Variants in ZDHHC13 observed in about 807,000 individuals in gnomAD.
ZDHHC13 encodes the protein palmitoyltransferase ZDHHC13.
Under a neutral mutation model 86.0 loss-of-function variants are expected in ZDHHC13, and 85 were observed. The ratio of observed to expected loss-of-function variants is 0.99; its 90% confidence interval spans 0.83 to 1.18. The LOEUF (loss-of-function observed/expected upper bound fraction) is 1.18. ZDHHC13 is among the 50% of genes most tolerant of loss of function. ZDHHC13 has a pLI of 0.00. For missense variants in ZDHHC13, 711 were observed against 730.2 expected, an observed-to-expected ratio of 0.97 and a Z score of 0.30; for synonymous variants, 263 against 246.4, an observed-to-expected ratio of 1.07 and a Z score of -0.63.
intron 16 of ZDHHC13, among the ~76,000 whole-genome samples, chr11:19,174,239 C>T (rs755468536): frequency 3.9e-5 from 6 of 152,200 alleles, no homozygotes; most frequent in Non-Finnish European, 7.3e-5. Context: ...CATCATGCTC[C>T]GCAGAACGGC....
At chr11:19,170,354 GA>G in intron 14 of ZDHHC13, 56 bp from the exon 15 acceptor site, 1 of 1,461,518 alleles carries the variant, frequency 6.8e-7, no homozygotes, top group South Asian at 1.3e-5. Context: ...TCTTCTTGGA[GA>G]CTGATAAGTA....
chr11:19,140,434 G>A (rs1452590014), intron 1 of ZDHHC13, among the ~76,000 whole-genome samples: 2 of 152,232 alleles, frequency 1.3e-5, no homozygotes, highest in African/African-American at 4.8e-5. Flanking sequence ...TGGAGAGGAT[G>A]TGGAGAAATA....
At chr11:19,139,578 T>G (rs1367375386) in intron 1 of ZDHHC13, among the ~76,000 whole-genome samples, 1 of 148,886 alleles carries the variant, frequency 6.7e-6, no homozygotes, top group African/African-American at 2.5e-5. Flanking sequence ...AAAGTTCATA[T>G]GGAACCAAAA....
At chr11:19,132,078 G>C (rs934564418) in intron 1 of ZDHHC13, among the ~76,000 whole-genome samples, 3 of 152,024 alleles carry the variant, frequency 2.0e-5, no homozygotes, top group African/African-American at 7.3e-5. Context: ...TCAAGATCTG[G>C]TTCTTTTCTT....
chr11:19,125,714 T>C (rs1281742042), intron 1 of ZDHHC13, among the ~76,000 whole-genome samples: 2 of 152,226 alleles, frequency 1.3e-5, no homozygotes, highest in Non-Finnish European at 2.9e-5. Flanking sequence ...GGATAGATTA[T>C]CTGTGACGCA....
intron 9 of ZDHHC13, among the ~76,000 whole-genome samples, chr11:19,157,382 C>T (rs1473614405): frequency 6.6e-6 from 1 of 152,206 alleles, no homozygotes; most frequent in Non-Finnish European, 1.5e-5. Context: ...CTTTCTGTCG[C>T]TTGCCAGCAT....
chr11:19,142,932 T>G, intron 1 of ZDHHC13, 46 bp from the exon 2 acceptor site: 21 of 1,528,856 alleles, frequency 1.4e-5, no homozygotes, highest in Middle Eastern at 1.7e-4. Context: ...TAATTGAGTG[T>G]GACATTAATT....
At chr11:19,161,950 C>T (rs1208002699) in intron 10 of ZDHHC13, among the ~76,000 whole-genome samples, 1 of 152,026 alleles carries the variant, frequency 6.6e-6, no homozygotes, top group African/African-American at 2.4e-5. Flanking sequence ...CTTCTCTGTC[C>T]TCTACACTGG....
At position 19,165,062 on chromosome 11, in the gene ZDHHC13, C is replaced by A; in HGVS notation, c.1307C>A (p.Pro436Gln). ...TAATTGCCCACTTAGATAAGGAAGC[C>A]ATTAAGGTCACTCCACTGCCATGTA... ...TFCTSCLIRKPLRSLHCHVCN... is the reference protein window; with the variant it reads ...TFCTSCLIRKQLRSLHCHVCN... The change falls in exon 13 of 17, where the codon CCA becomes CAA. Residue 436 changes from proline to glutamine, a missense_variant. Transcript: ENST00000446113. 1 of 1,612,424 alleles carries A rather than the reference C, an allele frequency of 6.2e-7. No homozygotes were observed. The highest frequency in any genetic ancestry group is 1.1e-5 in the South Asian group (1 of 90,658).
intron 3 of ZDHHC13, among the ~76,000 whole-genome samples, chr11:19,147,244 T>C (rs1188420595): frequency 6.6e-6 from 1 of 152,164 alleles, no homozygotes; most frequent in African/African-American, 2.4e-5. Context: ...CTCCTTCCAG[T>C]CAAGTAAGAA....
rs144518437 is a variant in ZDHHC13 at position 19,175,759 on chromosome 11, A to C, written c.1731-63A>C. On this transcript the variant is annotated intron_variant, in intron 16 of 16. Transcript: ENST00000446113. ...CATTGCATATTATAGATTCTCCATA[A>C]ATGTTTGTCAAGCTACACAGGAAAT... The C allele has an allele frequency of 1.5e-4, 229 of 1,576,444 alleles. 1 individual carries two copies. The East Asian group carries it at 4.6e-3, about 32-fold the overall frequency.
intron 10 of ZDHHC13, among the ~76,000 whole-genome samples, chr11:19,159,808 G>A (rs1406341320): frequency 6.6e-6 from 1 of 151,896 alleles, no homozygotes; most frequent in Non-Finnish European, 1.5e-5. Context: ...AATGGGGAGA[G>A]GGGTTACTTG....
At chr11:19,166,566 T>C in intron 14 of ZDHHC13, 181 bp downstream of exon 14, 1 of 494,974 alleles carries the variant, frequency 2.0e-6, no homozygotes, top group Non-Finnish European at 3.5e-6. Context: ...CAAGATGAGG[T>C]TAGTTCTCAG....
chr11:19,170,180 A>G, intron 14 of ZDHHC13: 1 of 1,320,296 alleles, frequency 7.6e-7, no homozygotes, highest in Admixed American at 3.7e-5. Flanking sequence ...TTATTCCTTC[A>G]CTGTTAACTA....
intron 3 of ZDHHC13, among the ~76,000 whole-genome samples, chr11:19,147,323 G>T (rs963737694): frequency 6.6e-6 from 1 of 152,150 alleles, no homozygotes; most frequent in African/African-American, 2.4e-5. Context: ...AGACTATGCA[G>T]AGAGTAGTTA....
At chr11:19,172,370 C>T (rs1004217559) in intron 15 of ZDHHC13, among the ~76,000 whole-genome samples, 1 of 152,072 alleles carries the variant, frequency 6.6e-6, no homozygotes, top group Non-Finnish European at 1.5e-5. Context: ...CGTGCCCTGC[C>T]GCAGTTAGGT....
At chr11:19,135,479 C>A (rs536824544) in intron 1 of ZDHHC13, among the ~76,000 whole-genome samples, 1 of 152,230 alleles carries the variant, frequency 6.6e-6, no homozygotes, top group Non-Finnish European at 1.5e-5. Flanking sequence ...AACTGCAAGG[C>A]GGCAGCGAGG....
At chr11:19,118,444 G>T (rs907311464) in intron 1 of ZDHHC13, among the ~76,000 whole-genome samples, 3 of 152,204 alleles carry the variant, frequency 2.0e-5, no homozygotes, top group African/African-American at 7.2e-5. Context: ...TTTTACCAAA[G>T]GGTGTTGAAT....
chr11:19,174,723 G>A (rs947727182), intron 16 of ZDHHC13, among the ~76,000 whole-genome samples: 2 of 152,368 alleles, frequency 1.3e-5, no homozygotes, highest in East Asian at 3.9e-4. Context: ...GGAAATGTGG[G>A]TATTGGCCTG....
Sources: allele counts gnomAD v4.1 joint callset (sites outside exome capture counted in the v4.1 genomes callset), GRCh38; gene constraint gnomAD v4.1.1; transcripts MANE v1.5; gene names NCBI Gene and HGNC (gene_info 2026-07-23, HGNC 2026-07-21).